The following TRPM2 variants were observed in gnomAD, a reference collection of about 807,000 sequenced individuals.
TRPM2 encodes transient receptor potential cation channel subfamily M member 2, also known as estrogen-responsive element-associated gene 1 protein.
TRPM2 carries 161 observed loss-of-function variants against 174.0 expected under a neutral mutation model. The observed-to-expected ratio is 0.93, with a 90% confidence interval of 0.81 to 1.05. TRPM2 has a LOEUF of 1.05. Among genes scored for constraint, TRPM2 ranks in the 50% least tolerant of loss-of-function variants. The pLI is 0.00. For synonymous variants in TRPM2, 954 were observed against 861.3 expected (o/e 1.11, Z -1.88); for missense variants, 2,057 against 2,038.0 (o/e 1.01, Z -0.18).
At chr21:44,375,577 G>A (rs532986140) in intron 5 of TRPM2, among the ~76,000 whole-genome samples, 11 of 152,230 alleles carry the variant, frequency 7.2e-5, no homozygotes, top group East Asian at 1.9e-4. Context: ...GTGGTCCCTC[G>A]GCCTCCTCTC....
rs960611388 is a variant in TRPM2 at position 44,426,590 on chromosome 21, C to G, written c.3796-70C>G. The G allele has an allele frequency of 8.5e-6, 13 of 1,532,426 alleles. No individual in the cohort carries two copies. In the Admixed American group the frequency reaches 2.0e-4, roughly 24 times the overall value. 94.9% of individuals were successfully genotyped at this position (1,532,426 alleles called of 1,614,324 possible). A position where few individuals can be genotyped will look rare whatever the true frequency, so the allele number is the denominator to read the frequency against. On this transcript the variant is annotated intron_variant, in intron 25 of 31. Coordinates refer to ENST00000397928, the MANE Select transcript of TRPM2 (RefSeq NM_003307.4). ...TTCAGACCCAGCTGAGCAGCCCTTT[C>G]ACCCTGGTGCCTGGCCCAGCTTTGC...
chr21:44,405,154 C>T lies in TRPM2; in HGVS notation c.2551C>T (p.Pro851Ser), dbSNP rs1399677623. 2 of 1,613,470 alleles carry T rather than the reference C, an allele frequency of 1.2e-6. No homozygotes were observed. The highest frequency in any genetic ancestry group is 1.7e-6 in the Non-Finnish European group (2 of 1,179,922). Residue 851 changes from proline to serine, a missense_variant, in exon 17 of 32, where the codon CCT (proline) becomes TCT (serine). Pro to Ser is a moderately conservative substitution (Grantham distance 74, BLOSUM62 -1). Transcript: ENST00000397928. ...CTCTTCCCAGTAGCTCTTCTATGAC[C>T]CTGACGAGTGCGGGCTGATGAAGAA... ...CEEMRQLFYDPDECGLMKKAA... is the reference protein window; with the variant it reads ...CEEMRQLFYDSDECGLMKKAA...
chr21:44,388,662 A>G (rs560378916), intron 9 of TRPM2, among the ~76,000 whole-genome samples: 1 of 149,900 alleles, frequency 6.7e-6, no homozygotes, highest in Non-Finnish European at 1.5e-5. Flanking sequence ...AAAAAAAAAA[A>G]AAAAAAAAAC....
At chr21:44,350,813 C>A (rs1284741860), upstream of TRPM2, among the ~76,000 whole-genome samples, 3 of 151,790 alleles carry the variant, frequency 2.0e-5, no homozygotes, top group South Asian at 4.1e-4. Flanking sequence ...GGACGCCTTG[C>A]CGCTGGAGCG....
intron 19 of TRPM2, among the ~76,000 whole-genome samples, chr21:44,407,940 T>C (rs1466661711): frequency 6.6e-6 from 1 of 151,910 alleles, no homozygotes; most frequent in Non-Finnish European, 1.5e-5. Context: ...AATTTTTTTT[T>C]TCCCCTAGAG....
chr21:44,441,641 G>A (rs1333192258), intron 31 of TRPM2, 51 bp from the exon 32 acceptor site: 47 of 1,571,206 alleles, frequency 3.0e-5, no homozygotes, highest in Non-Finnish European at 4.1e-5. Context: ...GGGCTCAGCT[G>A]GGCAGAGGCA....
At position 44,439,249 on chromosome 21, in the gene TRPM2, C is replaced by A; in HGVS notation, c.4269+81C>A. The stretch of plus-strand genomic sequence containing the variant: ...AACACAGTGTGATACTGGGGACCTG[C>A]CCCAGCACCACTGGGTGGCAGCGGT... On this transcript the variant is annotated intron_variant, in intron 30 of 31. Transcript: ENST00000397928. This position sits in a 1 kb window ranked among gnomAD's most constrained non-coding sequence, Gnocchi z 5.1. The A allele has an allele frequency of 7.5e-7, 1 of 1,329,670 alleles. No homozygotes were observed. Among genetic ancestry groups the A allele is most frequent in the East Asian group, 2.4e-5 (1 of 42,038 alleles). 82.4% of individuals were successfully genotyped at this position (1,329,670 alleles called of 1,614,324 possible). A position where few individuals can be genotyped will look rare whatever the true frequency, so the allele number is the denominator to read the frequency against.
rs188963338 is a variant in TRPM2, at chr21:44,382,781, C to G, written c.1279C>G (p.Gln427Glu). 2.5e-6 allele frequency: 4 copies of G among 1,613,968 alleles called. No homozygotes were observed. The East Asian group carries it at 8.9e-5, about 36-fold the overall frequency. The change falls in exon 9 of 32, where the codon CAG (glutamine) becomes GAG (glutamate). Residue 427 changes from glutamine to glutamate, a missense_variant. Transcript: ENST00000397928. The stretch of plus-strand genomic sequence containing the variant: ...CTTCCGGGAAGGCAAGGATGGTCAG[C>G]AGGACGTGGATGTGGCCATCTTGCA... ...TVFREGKDGQ[Q>E]DVDVAILQAL...
chr21:44,362,549 G>A (rs1286084828), intron 2 of TRPM2, among the ~76,000 whole-genome samples: 3 of 151,780 alleles, frequency 2.0e-5, no homozygotes, highest in African/African-American at 7.3e-5. Flanking sequence ...AACCATGTCA[G>A]ATAGTGTTAT....
At chr21:44,422,298 A>T in intron 22 of TRPM2, 1 of 1,536,040 alleles carries the variant, frequency 6.5e-7, no homozygotes, top group Non-Finnish European at 8.7e-7. Flanking sequence ...GGGGTCAAGG[A>T]CAAGCTCTGT....
chr21:44,397,042 AT>A (rs111984257), intron 12 of TRPM2, among the ~76,000 whole-genome samples: 5,651 of 142,876 alleles, frequency 0.04, 300 homozygotes, highest in African/African-American at 0.12. Flanking sequence ...CAGGAAAGGA[AT>A]TTTTTTTTTT....
At chr21:44,387,844 T>G (rs999695588) in intron 9 of TRPM2, among the ~76,000 whole-genome samples, 22 of 152,168 alleles carry the variant, frequency 1.4e-4, no homozygotes, top group African/African-American at 5.1e-4. Flanking sequence ...CTAAGAGATA[T>G]CATTTCAAAC....
chr21:44,350,349 G>A, upstream of TRPM2: 1 of 150,212 alleles, frequency 6.7e-6, no homozygotes, highest in Non-Finnish European at 1.5e-5. Context: ...CCGGGAGCTT[G>A]TGAAGGTTGA....
At chr21:44,352,920 G>A (rs2123003548), upstream of TRPM2, among the ~76,000 whole-genome samples, 1 of 152,346 alleles carries the variant, frequency 6.6e-6, no homozygotes, top group Non-Finnish European at 1.5e-5. Context: ...TTTGGGAAGC[G>A]GAGGCTGGTG....
chr21:44,355,244 G>A (rs1250476133), intron 2 of TRPM2, among the ~76,000 whole-genome samples: 1 of 151,702 alleles, frequency 6.6e-6, no homozygotes, highest in African/African-American at 2.4e-5. Flanking sequence ...ACTCAGGTGT[G>A]GCCAAGACCC....
chr21:44,376,111 C>T lies in TRPM2; in HGVS notation c.952+98C>T. On this transcript the variant is annotated intron_variant, in intron 6 of 31. Coordinates refer to ENST00000397928, the MANE Select transcript of TRPM2 (RefSeq NM_003307.4). This position sits in a 1 kb window ranked among gnomAD's most constrained non-coding sequence, Gnocchi z 4.2. ...GTCACGACCAGGACGTTCAACAGGC[C>T]TGGCGTTTGGCAGAGAGTGCAGTGG... 1.4e-6 allele frequency: 2 copies of T among 1,441,518 alleles called. No homozygotes were observed. Among genetic ancestry groups the T allele is most frequent in the South Asian group, 1.3e-5 (1 of 75,124 alleles). 89.3% of individuals were successfully genotyped at this position (1,441,518 alleles called of 1,614,324 possible). A position where few individuals can be genotyped will look rare whatever the true frequency, so the allele number is the denominator to read the frequency against.
chr21:44,406,598 A>G lies in TRPM2; in HGVS notation c.2795A>G (p.Lys932Arg), dbSNP rs757008753. ...CACACACTCTCTGTCCTGCAGATGA[A>G]GGACGTCTTCTTCTTCCTCTTCCTG... ...PKIIIVKRMM[K>R]DVFFFLFLLA... Residue 932 changes from lysine (K) to arginine (R), a missense_variant, in exon 19 of 32, where the codon AAG becomes AGG. Coordinates refer to ENST00000397928, the MANE Select transcript of TRPM2 (RefSeq NM_003307.4). 14 of 1,608,870 alleles carry G rather than the reference A, an allele frequency of 8.7e-6. No individual in the cohort carries two copies. The highest frequency in any genetic ancestry group is 1.7e-6 in the Non-Finnish European group (2 of 1,179,258).
At chr21:44,436,080 C>T (rs1406010132) in intron 28 of TRPM2, among the ~76,000 whole-genome samples, 1 of 152,004 alleles carries the variant, frequency 6.6e-6, no homozygotes, top group Non-Finnish European at 1.5e-5. Context: ...TTCCTCCACA[C>T]CCATTCACAC....
chr21:44,425,678 A>G lies in TRPM2; in HGVS notation c.3646A>G (p.Lys1216Glu), dbSNP rs755163795. ...TTCCTGACTGTCCCCAGCCTCCCAG[A>G]AGGCCGCGGAGGAGCCGGATGCTGA... ...EADVPTLASQ[K>E]AAEEPDAEPG... Residue 1216 changes from lysine (K) to glutamate (E), a missense_variant, in exon 25 of 32, where the codon AAG becomes GAG. Physicochemically the swap from Lys to Glu is moderately conservative, Grantham distance 56 (BLOSUM62 1). Transcript: ENST00000397928. 10 of 1,522,518 alleles carry G rather than the reference A, an allele frequency of 6.6e-6. No homozygotes were observed. Among genetic ancestry groups the G allele is most frequent in the Non-Finnish European group, 1.8e-6 (2 of 1,127,004 alleles). The allele number at this position is 1,522,518 out of a possible 1,614,324, so 94.3% of individuals were successfully genotyped here.
Sources: gnomAD v4.1 joint callset for allele counts (sites outside exome capture counted in the v4.1 genomes callset) on GRCh38, gnomAD v4.1.1 for gene constraint, Gnocchi (gnomAD v3.1) non-coding constraint, MANE v1.5 for transcripts, NCBI Gene and HGNC (gene_info 2026-07-23, HGNC 2026-07-21) for gene names.